VIRMA: variants seen among roughly 807,000 people sequenced by gnomAD.
VIRMA encodes protein virilizer homolog.
VIRMA carries 65 observed loss-of-function variants against 182.4 expected under a neutral mutation model. The ratio of observed to expected loss-of-function variants is 0.36; its 90% CI spans 0.29 to 0.44. VIRMA has a LOEUF of 0.44. VIRMA is among the 20% of genes least tolerant of loss of function. The probability of loss-of-function intolerance (pLI) is 1.00; values close to 1 mark genes in which losing one functional copy is unlikely to be tolerated. For missense variants in VIRMA, 1,752 were observed against 2,158.1 expected, an observed-to-expected ratio of 0.81 and a Z score of 3.73; for synonymous variants, 709 against 743.1, an observed-to-expected ratio of 0.95 and a Z score of 0.75.
intron 1 of VIRMA, 39 bp downstream of exon 1, chr8:94,553,346 G>C: frequency 6.2e-7 from 1 of 1,600,826 alleles, no homozygotes; most frequent in South Asian, 1.1e-5. Flanking sequence ...AAGATCCCAA[G>C]TCAAGAAGCA....
intron 8 of VIRMA, among the ~76,000 whole-genome samples, chr8:94,525,227 G>A (rs543778274): frequency 2.8e-4 from 43 of 152,346 alleles, no homozygotes; most frequent in Non-Finnish European, 4.6e-4. Context: ...GTTGGTAGAC[G>A]AATGCCCAGC....
chr8:94,510,303 A>G (rs1814318042), intron 14 of VIRMA, 114 bp downstream of exon 14: 1 of 704,934 alleles, frequency 1.4e-6, no homozygotes, highest in African/African-American at 1.8e-5. Context: ...GTGTATATTT[A>G]CATGTATATA....
intron 18 of VIRMA, 197 bp from the exon 19 acceptor site, chr8:94,496,088 A>G (rs1217045274): frequency 6.4e-6 from 4 of 624,192 alleles, no homozygotes; most frequent in Non-Finnish European, 1.1e-5. Flanking sequence ...CAATAGCAGC[A>G]GAGGGTACCC....
chr8:94,489,903 C>T, intron 23 of VIRMA, 36 bp downstream of exon 23: 1 of 1,600,826 alleles, frequency 6.2e-7, no homozygotes, highest in Non-Finnish European at 8.5e-7. Context: ...ATTTACTTCC[C>T]TTCTCTCAGC....
chr8:94,517,803 T>C lies in VIRMA; in HGVS notation c.2653A>G (p.Asn885Asp). The change falls in exon 10 of 24, where the codon AAT (asparagine) becomes GAT (aspartate). Residue 885 changes from asparagine (N) to aspartate (D), a missense_variant. Physicochemically the swap from Asn to Asp is conservative, Grantham distance 23. This residue lies in a region of VIRMA where 777 missense variants were observed against 920.6 expected (regional missense o/e 0.84). Coordinates refer to ENST00000297591, the MANE Select transcript of VIRMA (RefSeq NM_015496.5). The stretch of plus-strand genomic sequence containing the variant: ...AGTACCATACCTTGCAATTTAGCAT[T>C]ATTTTCATCTGCTTTACAAAGCTTC... ...LLKLCKADENNAKLQELGKWL... is the reference protein window; with the variant it reads ...LLKLCKADENDAKLQELGKWL... 1 of 1,604,842 alleles carries C rather than the reference T, an allele frequency of 6.2e-7. No homozygotes were observed. Among genetic ancestry groups the C allele is most frequent in the Non-Finnish European group, 8.5e-7 (1 of 1,174,582 alleles).
rs768358395 is a variant in VIRMA, at chr8:94,510,549, A to G, written c.3494T>C (p.Phe1165Ser). The change falls in exon 14 of 24, where the codon TTC becomes TCC. Residue 1165 changes from phenylalanine to serine, a missense_variant. Phe to Ser is a radical substitution (Grantham distance 155). Around this residue, in one of 11 missense-constraint regions of VIRMA, gnomAD observed 777 missense variants for 920.6 expected, o/e 0.84. Transcript: ENST00000297591. Reference sequence around the variant, plus strand: ...AATGGGCTGGCAGGTTGTGCCAGAGAAAGAGCGAACTATTTCTTGGAGCAA... The same window carrying G: ...AATGGGCTGGCAGGTTGTGCCAGAGGAAGAGCGAACTATTTCTTGGAGCAA... ...AKLLQEIVRS[F>S]SGTTCQPIQH... 12 of 1,614,136 alleles carry G rather than the reference A, an allele frequency of 7.4e-6. No individual in the cohort carries two copies. Among genetic ancestry groups the G allele is most frequent in the South Asian group, 1.1e-5 (1 of 91,084 alleles).
intron 1 of VIRMA, among the ~76,000 whole-genome samples, chr8:94,547,714 C>T (rs1389777847): frequency 2.7e-5 from 4 of 150,854 alleles, no homozygotes; most frequent in Admixed American, 6.6e-5. Context: ...AAGAATATTA[C>T]ACACCACTGT....
At chr8:94,544,658 G>C (rs1448042002) in intron 1 of VIRMA, among the ~76,000 whole-genome samples, 1 of 82,294 alleles carries the variant, frequency 1.2e-5, no homozygotes, top group Non-Finnish European at 2.2e-5. Flanking sequence ...GAGCGACTCT[G>C]TCTCAAAAAA....
intron 2 of VIRMA, among the ~76,000 whole-genome samples, chr8:94,543,613 T>C (rs867648648): frequency 1.3e-5 from 2 of 151,920 alleles, no homozygotes; most frequent in South Asian, 4.1e-4. Context: ...AAATCTTATC[T>C]AGTACACAGG....
At chr8:94,509,628 A>G in intron 15 of VIRMA, 60 bp downstream of exon 15, 2 of 937,796 alleles carry the variant, frequency 2.1e-6, no homozygotes, top group Non-Finnish European at 2.9e-6. Context: ...GCTTAAATAC[A>G]CACACACACA....
chr8:94,507,022 T>A (rs746744803), intron 15 of VIRMA, among the ~76,000 whole-genome samples: 1 of 152,142 alleles, frequency 6.6e-6, no homozygotes, highest in African/African-American at 2.4e-5. Context: ...GTTTCTGTTT[T>A]CAATAGGTTA....
At chr8:94,540,742 G>A (rs1336686316) in intron 2 of VIRMA, among the ~76,000 whole-genome samples, 4 of 151,778 alleles carry the variant, frequency 2.6e-5, no homozygotes, top group Admixed American at 6.6e-5. Flanking sequence ...GATTACAGGC[G>A]TGAGCCACTG....
intron 19 of VIRMA, 52 bp from the exon 20 acceptor site, chr8:94,495,008 A>AG: frequency 4.5e-6 from 6 of 1,324,796 alleles, no homozygotes; most frequent in South Asian, 3.6e-5. Context: ...ATCAAATTTC[A>AG]ATTTTTTTTT....
In VIRMA at chr8:94,492,771, A is replaced by G; in HGVS notation, c.4689T>C (p.Phe1563=). ...IELSEKCCSD[F]DLHSELERSF... Reference sequence around the variant, plus strand: ...AGCGCTCTAATTCTGAGTGCAAATCAAAGTCACTACAGCATTTTTCAGAGA... The same window carrying G: ...AGCGCTCTAATTCTGAGTGCAAATCGAAGTCACTACAGCATTTTTCAGAGA... The change falls in exon 21 of 24, where the codon TTT becomes TTC. Residue 1563 remains phenylalanine (F), a synonymous_variant. Coordinates refer to ENST00000297591, the MANE Select transcript of VIRMA (RefSeq NM_015496.5). The G allele has an allele frequency of 6.2e-7, 1 of 1,614,032 alleles. No homozygotes were observed. The highest frequency in any genetic ancestry group is 8.5e-7 in the Non-Finnish European group (1 of 1,179,936).
intron 5 of VIRMA, 134 bp from the exon 6 acceptor site, chr8:94,531,219 A>G: frequency 1.0e-6 from 1 of 1,000,268 alleles, no homozygotes; most frequent in Non-Finnish European, 1.4e-6. Context: ...ATGGTATTTG[A>G]GGGATGCAAA....
intron 1 of VIRMA, among the ~76,000 whole-genome samples, chr8:94,548,104 A>G (rs970946273): frequency 6.6e-6 from 1 of 150,972 alleles, no homozygotes; most frequent in Admixed American, 6.6e-5. Context: ...TATATAGAAT[A>G]TCTAAGGAGA....
Position 94,550,094 on chromosome 8 carries a change from C to G in VIRMA, c.63+3291G>C, listed in dbSNP as rs149615061. 1.1e-3 allele frequency among the ~76,000 whole-genome samples: 143 copies of G among 132,572 alleles called. 1 individual carries two copies. The highest frequency in any genetic ancestry group is 3.7e-3 in the African/African-American group (137 of 37,022). 87.0% of individuals were successfully genotyped at this position (132,572 alleles called of 152,430 possible). A position where few individuals can be genotyped will look rare whatever the true frequency, so the allele number is the denominator to read the frequency against. ...CTTGGGTGACAGAGCAAGACCTAGTCTTAAAAAAAAAAAAAAAAACTGATG... is the reference window on the plus strand; with the variant it reads ...CTTGGGTGACAGAGCAAGACCTAGTGTTAAAAAAAAAAAAAAAAACTGATG... On this transcript the variant is annotated intron_variant, in intron 1 of 23. Transcript: ENST00000297591.
intron 1 of VIRMA, among the ~76,000 whole-genome samples, chr8:94,551,666 T>A (rs888901267): frequency 7.9e-5 from 12 of 152,292 alleles, no homozygotes; most frequent in African/African-American, 2.9e-4. Flanking sequence ...GAAGGCCAAT[T>A]TTCCTAAACT....
In VIRMA at chr8:94,512,066, T is replaced by C; in HGVS notation, c.2775A>G (p.Pro925=). ...AGGCAGTGGTAAGGCCAACTCCTTC[T>C]GGGGTCATCAAGTTATCGATATTCT... ...VKQNIDNLMT[P]EGVGLTTALR... Residue 925 remains proline (P), a synonymous_variant, in exon 12 of 24, where the codon CCA becomes CCG. Transcript: ENST00000297591. 1 of 1,506,362 alleles carries C rather than the reference T, an allele frequency of 6.6e-7. No individual in the cohort carries two copies. The highest frequency in any genetic ancestry group is 8.9e-7 in the Non-Finnish European group (1 of 1,126,418). The allele number at this position is 1,506,362 out of a possible 1,614,324, so 93.3% of individuals were successfully genotyped here.
Sources: gnomAD v4.1 joint callset for allele counts (sites outside exome capture counted in the v4.1 genomes callset) on GRCh38, gnomAD v4.1.1 for gene constraint, gnomAD v4.1.1 regional missense constraint, MANE v1.5 for transcripts, NCBI Gene and HGNC (gene_info 2026-07-23, HGNC 2026-07-21) for gene names.